The following ADAR variants were observed in gnomAD, a reference collection of about 807,000 sequenced individuals.
ADAR encodes adenosine deaminase RNA specific.
A neutral mutation model predicts 113.2 loss-of-function variants in ADAR; 41 were observed. The ratio of observed to expected loss-of-function variants is 0.36; its 90% CI spans 0.28 to 0.47. ADAR has a LOEUF of 0.47. Ranked by LOEUF, ADAR falls within the 20% of genes least tolerant of loss-of-function variation. The pLI is 1.00. For missense variants in ADAR, 1,242 were observed against 1,540.9 expected (o/e 0.81, Z 3.25); for synonymous variants, 605 against 572.6 (o/e 1.06, Z -0.81).
chr1:154,586,026 C>G (rs1018553806), intron 12 of ADAR, 155 bp downstream of exon 12: 25 of 1,209,676 alleles, frequency 2.1e-5, no homozygotes, highest in Admixed American at 1.1e-4. Flanking sequence ...CCAGGATCTT[C>G]CTACCACAGC....
chr1:154,596,717 A>G, intron 6 of ADAR, 88 bp downstream of exon 6: 5 of 1,508,424 alleles, frequency 3.3e-6, no homozygotes, highest in Non-Finnish European at 4.6e-6. Context: ...CTTCTGTCCT[A>G]CACAGCTAAA....
chr1:154,597,772 TGTCTCTTTTTCTTTCTGAGAAAA>T (rs1400027719), intron 4 of ADAR, 33 bp downstream of exon 4: 6 of 1,607,084 alleles, frequency 3.7e-6, no homozygotes, highest in Non-Finnish European at 5.1e-6. Flanking sequence ...GAAGAAAATG[TGTCTCTTTTTCTTTCTGAGAAAA>T]CCTCAGCTGG....
intron 1 of ADAR, among the ~76,000 whole-genome samples, chr1:154,627,568 G>C (rs1698979728): frequency 6.6e-6 from 1 of 152,232 alleles, no homozygotes; most frequent in South Asian, 2.1e-4. Flanking sequence ...GCTGGCACGA[G>C]CGCCGGAGCA....
rs1696558423 is a variant in ADAR, at chr1:154,583,783, T to G, written c.*1023A>C. The G allele has an allele frequency of 6.6e-6, 1 of 152,242 alleles. No individual in the cohort carries two copies. Among genetic ancestry groups the G allele is most frequent in the African/African-American group, 2.4e-5 (1 of 41,468 alleles). The allele number at this position is 152,242 out of a possible 1,614,324, so 9.4% of individuals were successfully genotyped here. A position where few individuals can be genotyped will look rare whatever the true frequency, so the allele number is the denominator to read the frequency against. On this transcript the variant is annotated 3_prime_UTR_variant, in exon 15 of 15. Transcript: ENST00000368474. ...CTTGGTGTCACTGTCATGAGAGATA[T>G]TACACCGGGTGGAACAGTGACGTTA...
At position 154,585,053 on chromosome 1, in the gene ADAR, C is replaced by T; in HGVS notation, c.3444-10G>A. Reference sequence around the variant, plus strand: ...CAATTCATTCCGTGGCCTAGAGAAACAAAAGCACTCATTATTCACCTGGGA... The same window carrying T: ...CAATTCATTCCGTGGCCTAGAGAAATAAAAGCACTCATTATTCACCTGGGA... On this transcript the variant is annotated splice_polypyrimidine_tract_variant and intron_variant, in intron 14 of 14. Transcript: ENST00000368474. 1 of 1,613,490 alleles carries T rather than the reference C, an allele frequency of 6.2e-7. No homozygotes were observed. Among genetic ancestry groups the T allele is most frequent in the Non-Finnish European group, 8.5e-7 (1 of 1,179,738 alleles).
In ADAR at chr1:154,602,450, C is replaced by T. The variant is rs61735072; in HGVS notation, c.192G>A (p.Leu64=). The change falls in exon 2 of 15, where the codon CTG becomes CTA. Residue 64 remains leucine, a synonymous_variant. Transcript: ENST00000368474. ...APVIGKQTPS[L]PPSLPGLRPR... Reference sequence around the variant, plus strand: ...GCCGGAGTCCTGGGAGGGAAGGTGGCAGTGACGGTGTCTGCTTTCCAATCA... The same window carrying T: ...GCCGGAGTCCTGGGAGGGAAGGTGGTAGTGACGGTGTCTGCTTTCCAATCA... The T allele has an allele frequency of 6.8e-6, 11 of 1,612,812 alleles. No homozygotes were observed. In the African/African-American group the frequency reaches 1.2e-4, roughly 18 times the overall value.
intron 1 of ADAR, among the ~76,000 whole-genome samples, chr1:154,624,704 T>A (rs535114313): frequency 6.6e-6 from 1 of 152,324 alleles, no homozygotes; most frequent in East Asian, 1.9e-4. Context: ...AATCATCCAG[T>A]GTTCTCCAGA....
intron 1 of ADAR, among the ~76,000 whole-genome samples, chr1:154,626,164 G>A (rs532596191): frequency 7.3e-5 from 11 of 149,706 alleles, no homozygotes; most frequent in Admixed American, 2.0e-4. Context: ...CGTCCAGGCT[G>A]GGGTGCAATG....
chr1:154,621,202 T>C (rs533829249), intron 1 of ADAR, among the ~76,000 whole-genome samples: 2 of 152,278 alleles, frequency 1.3e-5, no homozygotes, highest in South Asian at 4.1e-4. Flanking sequence ...ATTTAAAATA[T>C]TACACTATTT....
chr1:154,595,508 A>G (rs944127335), intron 6 of ADAR, among the ~76,000 whole-genome samples: 2 of 152,210 alleles, frequency 1.3e-5, no homozygotes, highest in African/African-American at 4.8e-5. Flanking sequence ...AAAAGTTAAA[A>G]AAATAAAAAA....
chr1:154,605,566 G>T (rs1356207548), intron 1 of ADAR, among the ~76,000 whole-genome samples: 2 of 151,904 alleles, frequency 1.3e-5, no homozygotes, highest in Non-Finnish European at 2.9e-5. Flanking sequence ...GGCTTCAGTT[G>T]ATTCCATGGT....
At chr1:154,603,473 T>A (rs1452952957) in intron 1 of ADAR, among the ~76,000 whole-genome samples, 2 of 152,152 alleles carry the variant, frequency 1.3e-5, no homozygotes, top group Admixed American at 1.3e-4. Flanking sequence ...GCTGGCAGCA[T>A]CTGCTCCTCA....
rs1696999421 is a variant in ADAR at position 154,589,723 on chromosome 1, C to T, written c.2668+34G>A. The T allele has an allele frequency of 3.7e-6, 6 of 1,613,778 alleles. No homozygotes were observed. In the South Asian group the frequency reaches 4.4e-5, roughly 12 times the overall value. On this transcript the variant is annotated intron_variant, in intron 8 of 14. Coordinates refer to ENST00000368474, the MANE Select transcript of ADAR (RefSeq NM_001111.5). ...ATGAGAGGCACCCGCTTTCAGGCGC[C>T]ATGGGAGGCGGCATGTCTCAGAGCC... is the stretch of plus-strand genomic sequence containing the variant.
chr1:154,607,507 G>C (rs80047893), intron 1 of ADAR, among the ~76,000 whole-genome samples: 48 of 149,680 alleles, frequency 3.2e-4, no homozygotes, highest in African/African-American at 1.2e-3. Flanking sequence ...TCCGAACGTT[G>C]TTCAAGTGGG....
chr1:154,585,831 A>T lies in ADAR; in HGVS notation c.3237T>A (p.Ala1079=), dbSNP rs192271764. 6.2e-7 allele frequency: 1 copy of T among 1,614,154 alleles called. No homozygotes were observed. Among genetic ancestry groups the T allele is most frequent in the East Asian group, 2.2e-5 (1 of 44,886 alleles). The change falls in exon 13 of 15, where the codon GCT becomes GCA. Residue 1079 remains alanine (A), a synonymous_variant. Transcript: ENST00000368474. ...YLFSQGHLTR[A]ICCRVTRDGS... ...CATCTCTTGTCACACGACAGCAAAT[A>T]GCACGGGTCAGATGCCCTTGGCTGA... is the stretch of plus-strand genomic sequence containing the variant.
At chr1:154,600,747 C>T in intron 2 of ADAR, 1 of 446,618 alleles carries the variant, frequency 2.2e-6, no homozygotes, top group Non-Finnish European at 4.1e-6. Context: ...GCTGGGATTA[C>T]AGGCATGAGC....
intron 1 of ADAR, among the ~76,000 whole-genome samples, chr1:154,615,341 A>G (rs9427103): frequency 0.16 from 24,791 of 152,200 alleles, 2,324 homozygotes; most frequent in South Asian, 0.24. Context: ...GAGTTTCTGC[A>G]TTTGGGTACA....
rs1697937168 is a variant in ADAR, at chr1:154,602,310, G to A, written c.332C>T (p.Pro111Leu). 1 of 1,613,720 alleles carries A rather than the reference G, an allele frequency of 6.2e-7. No homozygotes were observed. Among genetic ancestry groups the A allele is most frequent in the Non-Finnish European group, 8.5e-7 (1 of 1,179,790 alleles). Residue 111 changes from proline to leucine, a missense_variant, in exon 2 of 15, where the codon CCT becomes CTT. Physicochemically the swap from Pro to Leu is moderately conservative, Grantham distance 98 (BLOSUM62 -3). Coordinates refer to ENST00000368474, the MANE Select transcript of ADAR (RefSeq NM_001111.5). The part of the protein sequence containing the change: ...SQGLQRGFQH[P>L]SPRGRSLPQR... ...TGGCAGACTCCTGCCACGTGGTGAAGGATGCTGGAACCCTCTCTGGAGCCC... is the reference window on the plus strand; with the variant it reads ...TGGCAGACTCCTGCCACGTGGTGAAAGATGCTGGAACCCTCTCTGGAGCCC...
chr1:154,611,251 C>A (rs764843929), upstream of ADAR, among the ~76,000 whole-genome samples: 1 of 152,092 alleles, frequency 6.6e-6, no homozygotes, highest in Non-Finnish European at 1.5e-5. Context: ...CACCGCTGCT[C>A]CCCCCACCCC....
Sources: allele counts gnomAD v4.1 joint callset (sites outside exome capture counted in the v4.1 genomes callset), GRCh38; gene constraint gnomAD v4.1.1; transcripts MANE v1.5; gene names NCBI Gene and HGNC (gene_info 2026-07-23, HGNC 2026-07-21).